The following FAM78A variants were observed in gnomAD, a reference collection of about 807,000 sequenced individuals.
The protein encoded by FAM78A is protein FAM78A.
In FAM78A, 12 loss-of-function variants were observed where a neutral mutation model predicts 22.6. The observed-to-expected ratio is 0.53, with a 90% CI of 0.34 to 0.86. The LOEUF is 0.86. FAM78A is among the 40% of genes least tolerant of loss of function. The pLI is 0.02. For synonymous variants in FAM78A, 151 were observed against 155.8 expected, an observed-to-expected ratio of 0.97 and a Z score of 0.23; for missense variants, 322 against 396.1, an observed-to-expected ratio of 0.81 and a Z score of 1.59.
intron 1 of FAM78A, chr9:131,264,455 GC>G: frequency 1.6e-6 from 1 of 640,892 alleles, no homozygotes. Flanking sequence ...TCCACTGTCA[GC>G]CCCAGCTACT....
upstream of FAM78A, among the ~76,000 whole-genome samples, chr9:131,279,331 A>T (rs1225209729): frequency 6.6e-6 from 1 of 152,224 alleles, no homozygotes; most frequent in Non-Finnish European, 1.5e-5. Flanking sequence ...CCATGAACTA[A>T]TGGCCCCCAC....
intron 1 of FAM78A, among the ~76,000 whole-genome samples, chr9:131,262,377 G>A (rs532351144): frequency 6.6e-6 from 1 of 151,434 alleles, no homozygotes; most frequent in East Asian, 1.9e-4. Flanking sequence ...TCAGGAGGCT[G>A]AGGCAGAAGA....
At position 131,275,781 on chromosome 9, in the gene FAM78A, A is replaced by T; in HGVS notation, c.323+76T>A. The T allele has an allele frequency of 2.8e-6, 4 of 1,438,620 alleles. No individual in the cohort carries two copies. The highest frequency in any genetic ancestry group is 3.7e-6 in the Non-Finnish European group (4 of 1,069,100). The allele number at this position is 1,438,620 out of a possible 1,614,324, so 89.1% of individuals were successfully genotyped here. A position where few individuals can be genotyped will look rare whatever the true frequency, so the allele number is the denominator to read the frequency against. On this transcript the variant is annotated intron_variant, in intron 1 of 1. Transcript: ENST00000372271. This position sits in a 1 kb window ranked among gnomAD's most constrained non-coding sequence, Gnocchi z 4.6. Reference sequence around the variant, plus strand: ...TTCATGGTATCTCCACCTTCCCCCTATCCGCGGCCCCCCACCAGGCCTCCA... The same window carrying T: ...TTCATGGTATCTCCACCTTCCCCCTTTCCGCGGCCCCCCACCAGGCCTCCA...
chr9:131,260,731 G>GT lies in FAM78A; in HGVS notation c.*90dup. 1.4e-6 allele frequency: 2 copies of GT among 1,449,772 alleles called. No individual in the cohort carries two copies. Among genetic ancestry groups the GT allele is most frequent in the South Asian group, 2.8e-5 (2 of 72,236 alleles). The allele number at this position is 1,449,772 out of a possible 1,614,324, so 89.8% of individuals were successfully genotyped here. A position where few individuals can be genotyped will look rare whatever the true frequency, so the allele number is the denominator to read the frequency against. ...GCCCGCTGGAGAGGGTAGAATGGTT[G>GT]TATCTTGCTGAATGACTGAAGAGTG... On this transcript the variant is annotated 3_prime_UTR_variant, in exon 2 of 2. Transcript: ENST00000372271. The surrounding 1 kb of genome is among the most constrained non-coding windows in gnomAD (Gnocchi z 5.4).
At chr9:131,264,582 A>C (rs567355129) in intron 1 of FAM78A, 54 of 717,102 alleles carry the variant, frequency 7.5e-5, no homozygotes, top group Admixed American at 1.4e-4. Flanking sequence ...ACTGATACTC[A>C]CTGCCTGGTG....
chr9:131,277,039 G>C (rs917280877), upstream of FAM78A, among the ~76,000 whole-genome samples: 89 of 150,320 alleles, frequency 5.9e-4, no homozygotes, highest in Admixed American at 1.2e-3. The surrounding 1 kb of genome is among the most constrained non-coding windows in gnomAD (Gnocchi z 8.4). Context: ...ACGCGTGTGC[G>C]CTGGGCGCGG....
rs1331385711 is a variant in FAM78A, at chr9:131,260,707, C to G, written c.*115G>C. 7.4e-7 allele frequency: 1 copy of G among 1,348,264 alleles called. No individual in the cohort carries two copies. The highest frequency in any genetic ancestry group is 1.5e-5 in the African/African-American group (1 of 68,474). The allele number at this position is 1,348,264 out of a possible 1,614,324, so 83.5% of individuals were successfully genotyped here. ...GGGGGCATCAGCACAGTGAGATCCG[C>G]CCGCTGGAGAGGGTAGAATGGTTGT... On this transcript the variant is annotated 3_prime_UTR_variant, in exon 2 of 2. Coordinates refer to ENST00000372271, the MANE Select transcript of FAM78A (RefSeq NM_033387.4). The surrounding 1 kb of genome is among the most constrained non-coding windows in gnomAD (Gnocchi z 5.4).
Position 131,260,592 on chromosome 9 carries a change from C to T in FAM78A, c.*230G>A. The T allele has an allele frequency of 2.3e-6, 1 of 429,380 alleles. No individual in the cohort carries two copies. The allele number at this position is 429,380 out of a possible 1,614,324, so 26.6% of individuals were successfully genotyped here. On this transcript the variant is annotated 3_prime_UTR_variant, in exon 2 of 2. Transcript: ENST00000372271. The surrounding 1 kb of genome is among the most constrained non-coding windows in gnomAD (Gnocchi z 5.4). The stretch of plus-strand genomic sequence containing the variant: ...GAGAGGCAAGGAGACCAGAGGTCAC[C>T]CTGAGGGCGCACGTGGGGTCTGTCT...
chr9:131,273,391 G>A (rs995155551), intron 1 of FAM78A, among the ~76,000 whole-genome samples: 8 of 152,226 alleles, frequency 5.3e-5, no homozygotes, highest in Non-Finnish European at 7.3e-5. Flanking sequence ...TATCCCAACC[G>A]GGATTGCACA....
chr9:131,278,275 G>A (rs1341903529), upstream of FAM78A, among the ~76,000 whole-genome samples: 1 of 152,194 alleles, frequency 6.6e-6, no homozygotes, highest in Non-Finnish European at 1.5e-5. Flanking sequence ...CTCGGGGCCA[G>A]GTGGGCTGCT....
chr9:131,266,162 C>A (rs1835341658), intron 1 of FAM78A, among the ~76,000 whole-genome samples: 1 of 152,122 alleles, frequency 6.6e-6, no homozygotes. Context: ...CATGGCCTTA[C>A]CCCTCCCTGG....
At position 131,265,604 on chromosome 9, in the gene FAM78A, C is replaced by T. The variant is rs1217603777; in HGVS notation, c.324-4254G>A. Among the ~76,000 whole-genome samples, 1 of 151,916 alleles carries T rather than the reference C, an allele frequency of 6.6e-6. No homozygotes were observed. The highest frequency in any genetic ancestry group is 1.9e-4 in the East Asian group (1 of 5,176). On this transcript the variant is annotated intron_variant, in intron 1 of 1. Transcript: ENST00000372271. This position sits in a 1 kb window ranked among gnomAD's most constrained non-coding sequence, Gnocchi z 4.3. ...GTTTCACCATGTTGGCCAGGCTGGT[C>T]TCAAACCCCTGACCTCAGGTGACTG...
chr9:131,278,037 T>C (rs1835507249), upstream of FAM78A, among the ~76,000 whole-genome samples: 1 of 145,848 alleles, frequency 6.9e-6, no homozygotes, highest in Non-Finnish European at 1.5e-5. Flanking sequence ...GGGATGCAGG[T>C]CCGCAGGCGG....
chr9:131,276,188 C>CA lies in FAM78A; in HGVS notation c.-10dup, dbSNP rs1169333584. The CA allele has an allele frequency of 1.2e-5, 19 of 1,607,754 alleles. No individual in the cohort carries two copies. Among genetic ancestry groups the CA allele is most frequent in the Non-Finnish European group, 1.6e-5 (19 of 1,176,756 alleles). Reference sequence around the variant, plus strand: ...CAGAAAAAACCAGGCATTGAAAGGACAGAGGCTGCAGGACCCAGTACAGAC... The same window carrying CA: ...CAGAAAAAACCAGGCATTGAAAGGACAAGAGGCTGCAGGACCCAGTACAGAC... On this transcript the variant is annotated 5_prime_UTR_variant, in exon 1 of 2. Coordinates refer to ENST00000372271, the MANE Select transcript of FAM78A (RefSeq NM_033387.4). This position sits in a 1 kb window ranked among gnomAD's most constrained non-coding sequence, Gnocchi z 4.3.
rs1564239937 is a variant in FAM78A at position 131,275,722 on chromosome 9, C to CCT, written c.323+134_323+135insAG. 18 of 968,236 alleles carry CCT rather than the reference C, an allele frequency of 1.9e-5. No individual in the cohort carries two copies. Among genetic ancestry groups the CCT allele is most frequent in the Middle Eastern group, 3.3e-4 (1 of 2,988 alleles). The allele number at this position is 968,236 out of a possible 1,614,324, so 60.0% of individuals were successfully genotyped here. Reference sequence around the variant, plus strand: ...CGGGCCAATGAGGCCACCTGCATACCTGCCTAAAGCTTCCCTCTGGCCTCC... The same window carrying CCT: ...CGGGCCAATGAGGCCACCTGCATACCCTTGCCTAAAGCTTCCCTCTGGCCTCC... On this transcript the variant is annotated intron_variant, in intron 1 of 1. Transcript: ENST00000372271. The surrounding 1 kb of genome is among the most constrained non-coding windows in gnomAD (Gnocchi z 4.6).
chr9:131,267,941 A>G (rs1453206459), intron 1 of FAM78A, among the ~76,000 whole-genome samples: 6 of 151,766 alleles, frequency 4.0e-5, no homozygotes, highest in African/African-American at 4.8e-5. Context: ...AGTCCCAGCT[A>G]CTTGGGAGGT....
At chr9:131,269,735 C>T (rs143621510) in intron 1 of FAM78A, among the ~76,000 whole-genome samples, 4,024 of 152,228 alleles carry the variant, frequency 0.026, 77 homozygotes, top group Middle Eastern at 0.051. Context: ...CCTCAGCCTC[C>T]CAAAATGCTG....
intron 1 of FAM78A, among the ~76,000 whole-genome samples, chr9:131,268,851 C>T (rs867724731): frequency 1.3e-5 from 2 of 151,810 alleles, no homozygotes; most frequent in Non-Finnish European, 2.9e-5. Context: ...CGAGATGGCG[C>T]CCCTGCACTC....
chr9:131,266,186 T>C (rs1334396913), intron 1 of FAM78A, among the ~76,000 whole-genome samples: 1 of 152,074 alleles, frequency 6.6e-6, no homozygotes, highest in Non-Finnish European at 1.5e-5. Context: ...CCCAGCCTCC[T>C]GCAATCTGTT....
Sources: gnomAD v4.1 joint callset for allele counts (sites outside exome capture counted in the v4.1 genomes callset) on GRCh38, gnomAD v4.1.1 for gene constraint, Gnocchi (gnomAD v3.1) non-coding constraint, MANE v1.5 for transcripts, NCBI Gene and HGNC (gene_info 2026-07-23, HGNC 2026-07-21) for gene names.